Variants in SRRM4 observed in about 807,000 individuals in gnomAD.
SRRM4 encodes serine/arginine repetitive matrix 4, also known as serine/arginine repetitive matrix protein 4.
Under a neutral mutation model 68.9 loss-of-function variants are expected in SRRM4, and 33 were observed. The ratio of observed to expected loss-of-function variants is 0.48; its 90% CI spans 0.36 to 0.64. The LOEUF (loss-of-function observed/expected upper bound fraction) is 0.64. Among genes scored for constraint, SRRM4 ranks in the 30% least tolerant of loss-of-function variants. The pLI is 0.00. For missense variants in SRRM4, 817 were observed against 827.1 expected (o/e 0.99, Z 0.15); for synonymous variants, 318 against 318.8 (o/e 1.00, Z 0.03).
intron 8 of SRRM4, among the ~76,000 whole-genome samples, chr12:119,132,104 G>A (rs1371422720): frequency 6.6e-6 from 1 of 152,208 alleles, no homozygotes; most frequent in African/African-American, 2.4e-5. Flanking sequence ...GGAACCATCT[G>A]CAACTGTCCC....
rs71451816 is a variant in SRRM4 at position 119,117,596 on chromosome 12, G to GCACACACACACACA, written c.437+594_437+607dup. On this transcript the variant is annotated intron_variant, in intron 4 of 12. Coordinates refer to ENST00000267260, the MANE Select transcript of SRRM4 (RefSeq NM_194286.4). ...GGCCCATGTTCCTGGTGTTCACTGT[G>GCACACACACACACA]CACACACACACACACACACGTGTAT... Among the ~76,000 whole-genome samples, 79 of 150,402 alleles carry GCACACACACACACA rather than the reference G, an allele frequency of 5.3e-4. 1 individual carries two copies. Among genetic ancestry groups the GCACACACACACACA allele is most frequent in the East Asian group, 3.9e-3 (20 of 5,070 alleles).
chr12:118,982,081 G>A lies in SRRM4; in HGVS notation c.131+68G>A, dbSNP rs1313909015. ...CTTTCTGGCCTGTGCCCCAGAGCCCGGAGGGGTGGATGCAGGCAGCCGGGC... is the reference window on the plus strand; with the variant it reads ...CTTTCTGGCCTGTGCCCCAGAGCCCAGAGGGGTGGATGCAGGCAGCCGGGC... On this transcript the variant is annotated intron_variant, in intron 1 of 12. Coordinates refer to ENST00000267260, the MANE Select transcript of SRRM4 (RefSeq NM_194286.4). 5 of 1,523,660 alleles carry A rather than the reference G, an allele frequency of 3.3e-6. No individual in the cohort carries two copies. In the Admixed American group the frequency reaches 1.0e-4, roughly 32 times the overall value. 94.4% of individuals were successfully genotyped at this position (1,523,660 alleles called of 1,614,324 possible). A position where few individuals can be genotyped will look rare whatever the true frequency, so the allele number is the denominator to read the frequency against.
chr12:119,047,060 T>C (rs977834865), intron 1 of SRRM4, among the ~76,000 whole-genome samples: 3 of 150,012 alleles, frequency 2.0e-5, no homozygotes, highest in Non-Finnish European at 3.0e-5. Context: ...GTGTGGACTC[T>C]GTCTTCACAC....
intron 1 of SRRM4, 117 bp from the exon 2 acceptor site, chr12:119,102,119 G>A: frequency 3.9e-6 from 4 of 1,031,026 alleles, no homozygotes; most frequent in Non-Finnish European, 4.2e-6. Flanking sequence ...TAATCTCATG[G>A]GCTCAACCTA....
chr12:119,037,296 A>G (rs530262419), intron 1 of SRRM4, among the ~76,000 whole-genome samples: 1 of 152,186 alleles, frequency 6.6e-6, no homozygotes, highest in Non-Finnish European at 1.5e-5. Flanking sequence ...AAAATGCCCC[A>G]GGAGTTAAGG....
chr12:119,096,129 T>C (rs996230327), intron 1 of SRRM4, among the ~76,000 whole-genome samples: 18 of 150,928 alleles, frequency 1.2e-4, no homozygotes, highest in South Asian at 4.3e-4. Context: ...CATGCCATTC[T>C]CCTGCCTCAG....
intron 1 of SRRM4, among the ~76,000 whole-genome samples, chr12:119,053,821 T>C (rs1953760075): frequency 1.3e-5 from 2 of 152,146 alleles, no homozygotes; most frequent in African/African-American, 4.8e-5. Flanking sequence ...GCATGCAAAG[T>C]GTAATTATCA....
At chr12:119,109,306 T>C (rs983067743) in intron 2 of SRRM4, among the ~76,000 whole-genome samples, 10 of 152,138 alleles carry the variant, frequency 6.6e-5, no homozygotes, top group Non-Finnish European at 5.9e-5. Context: ...TGTCTTGGAG[T>C]TGCTCTTCTT....
rs1953879878 is a variant in SRRM4, at chr12:119,071,846, T to C, written c.132-30390T>C. On this transcript the variant is annotated intron_variant, in intron 1 of 12. Transcript: ENST00000267260. ...ACATCTGCTCCATCAGACTTTGAAA[T>C]CTCTGAGGGTGGGCTGCATGTGTTT... 2.0e-5 allele frequency among the ~76,000 whole-genome samples: 3 copies of C among 152,202 alleles called. No homozygotes were observed. In the South Asian group the frequency reaches 6.2e-4, roughly 32 times the overall value.
chr12:119,091,725 G>A (rs899136839), intron 1 of SRRM4, among the ~76,000 whole-genome samples: 1 of 152,100 alleles, frequency 6.6e-6, no homozygotes, highest in Non-Finnish European at 1.5e-5. Context: ...CTATCCGATG[G>A]GTCTACTCAC....
At chr12:119,067,077 C>G (rs979838592) in intron 1 of SRRM4, among the ~76,000 whole-genome samples, 1 of 152,168 alleles carries the variant, frequency 6.6e-6, no homozygotes, top group African/African-American at 2.4e-5. Context: ...TCTCACAATT[C>G]TGTCACTCAC....
At chr12:119,017,848 T>G (rs377195824) in intron 1 of SRRM4, among the ~76,000 whole-genome samples, 5 of 152,244 alleles carry the variant, frequency 3.3e-5, no homozygotes, top group South Asian at 4.2e-4. Flanking sequence ...CCACCTGCAA[T>G]CTGGTAGCTC....
chr12:119,133,520 G>T (rs1399090988), intron 8 of SRRM4, among the ~76,000 whole-genome samples: 1 of 152,154 alleles, frequency 6.6e-6, no homozygotes, highest in African/African-American at 2.4e-5. Flanking sequence ...CCCCACTTAA[G>T]GTTGCCTGGC....
chr12:119,096,693 C>T (rs1195480027), intron 1 of SRRM4, among the ~76,000 whole-genome samples: 1 of 152,188 alleles, frequency 6.6e-6, no homozygotes, highest in Non-Finnish European at 1.5e-5. Context: ...TGAGCTGGAT[C>T]TGGGGTTCTT....
Position 119,049,974 on chromosome 12 carries a change from C to T in SRRM4, c.132-52262C>T, listed in dbSNP as rs1332161168. On this transcript the variant is annotated intron_variant, in intron 1 of 12. Transcript: ENST00000267260. ...TCAAATGCAATCACATTCTGAGGTACTGAGGGTTAGGACTTCAATATATGA... is the reference window on the plus strand; with the variant it reads ...TCAAATGCAATCACATTCTGAGGTATTGAGGGTTAGGACTTCAATATATGA... 3.9e-5 allele frequency among the ~76,000 whole-genome samples: 6 copies of T among 152,196 alleles called. No individual in the cohort carries two copies. In the East Asian group the frequency reaches 9.6e-4, roughly 24 times the overall value.
At chr12:119,081,292 C>T (rs970946222) in intron 1 of SRRM4, among the ~76,000 whole-genome samples, 1 of 152,138 alleles carries the variant, frequency 6.6e-6, no homozygotes, top group African/African-American at 2.4e-5. Context: ...CATTTTAAAT[C>T]ACGTTTGTAT....
chr12:119,082,290 A>G (rs998939638), intron 1 of SRRM4, among the ~76,000 whole-genome samples: 8 of 152,064 alleles, frequency 5.3e-5, no homozygotes, highest in Non-Finnish European at 1.2e-4. Flanking sequence ...CATTAGATGT[A>G]AAGCCACCCC....
At chr12:119,027,439 G>A (rs1377877554) in intron 1 of SRRM4, among the ~76,000 whole-genome samples, 1 of 152,176 alleles carries the variant, frequency 6.6e-6, no homozygotes, top group African/African-American at 2.4e-5. Context: ...CCTTCGTGAT[G>A]TCAACTCAAG....
intron 7 of SRRM4, among the ~76,000 whole-genome samples, chr12:119,129,196 T>C (rs901983641): frequency 1.3e-5 from 2 of 151,582 alleles, no homozygotes; most frequent in African/African-American, 4.8e-5. Context: ...GCCCTGTCTA[T>C]GTCTTCAAGT....
Sources: allele counts gnomAD v4.1 joint callset (sites outside exome capture counted in the v4.1 genomes callset), GRCh38; gene constraint gnomAD v4.1.1; transcripts MANE v1.5; gene names NCBI Gene and HGNC (gene_info 2026-07-23, HGNC 2026-07-21).